CDK14: variants seen among roughly 807,000 people sequenced by gnomAD.
The protein encoded by CDK14 is cyclin dependent kinase 14.
A neutral mutation model predicts 60.7 loss-of-function variants in CDK14; 34 were observed. The observed-to-expected ratio is 0.56, with a 90% CI of 0.43 to 0.75. The LOEUF is 0.75. CDK14 is among the 30% of genes least tolerant of loss of function. The pLI is 0.00. For synonymous variants in CDK14, 197 were observed against 203.7 expected (o/e 0.97, Z 0.28); for missense variants, 482 against 564.1 (o/e 0.85, Z 1.47).
intron 2 of CDK14, among the ~76,000 whole-genome samples, chr7:90,657,750 C>T (rs1207763606): frequency 6.6e-6 from 1 of 152,172 alleles, no homozygotes; most frequent in East Asian, 1.9e-4. Context: ...ACCTGGCCAA[C>T]TTAACAACGA....
chr7:91,140,201 T>C lies in CDK14; in HGVS notation c.*28+21993T>C, dbSNP rs756142347. Reference sequence around the variant, plus strand: ...GGATCATGGAGAGAGACAATCTCTTTAATAGAAATAAATAGCAAGAGAACA... The same window carrying C: ...GGATCATGGAGAGAGACAATCTCTTCAATAGAAATAAATAGCAAGAGAACA... On this transcript the variant is annotated intron_variant, in intron 14 of 14. Transcript: ENST00000380050. Among the ~76,000 whole-genome samples the C allele has an allele frequency of 3.5e-4, 54 of 152,172 alleles. 2 individuals carry two copies. Among genetic ancestry groups the C allele is most frequent in the Non-Finnish European group, 4.7e-4 (32 of 68,028 alleles).
At chr7:90,750,697 A>G (rs1803804457) in intron 4 of CDK14, among the ~76,000 whole-genome samples, 1 of 152,080 alleles carries the variant, frequency 6.6e-6, no homozygotes, top group South Asian at 2.1e-4. Context: ...ATATGATGAA[A>G]CCCCATCTCT....
intron 10 of CDK14, among the ~76,000 whole-genome samples, chr7:90,986,658 G>C (rs3808274): frequency 6.6e-6 from 1 of 151,684 alleles, no homozygotes; most frequent in Non-Finnish European, 1.5e-5. Flanking sequence ...CATATATTTT[G>C]TATTGACAAA....
At chr7:90,611,210 T>G (rs1799532159) in intron 2 of CDK14, among the ~76,000 whole-genome samples, 2 of 152,210 alleles carry the variant, frequency 1.3e-5, no homozygotes, top group Admixed American at 6.5e-5. Context: ...CATGCTTAAG[T>G]CTTCCCCATC....
rs1223566550 is a variant in CDK14, at chr7:91,208,895, C to T, written c.*1759C>T. On this transcript the variant is annotated 3_prime_UTR_variant, in exon 15 of 15. Transcript: ENST00000380050. Reference sequence around the variant, plus strand: ...GGTTTTAAAGAGAGCAGAAAACACCCAAGTGTAGAATGTCTACTGTTTGCT... The same window carrying T: ...GGTTTTAAAGAGAGCAGAAAACACCTAAGTGTAGAATGTCTACTGTTTGCT... 1.3e-5 allele frequency: 2 copies of T among 152,624 alleles called. No individual in the cohort carries two copies. The highest frequency in any genetic ancestry group is 2.9e-5 in the Non-Finnish European group (2 of 68,036). The allele number at this position is 152,624 out of a possible 1,614,324, so 9.5% of individuals were successfully genotyped here.
At chr7:90,896,500 T>C (rs1267400411) in intron 6 of CDK14, among the ~76,000 whole-genome samples, 1 of 152,158 alleles carries the variant, frequency 6.6e-6, no homozygotes, top group Non-Finnish European at 1.5e-5. Flanking sequence ...TTTATGCTTA[T>C]TGAAAGAGCT....
chr7:90,725,151 A>G (rs904925824), intron 2 of CDK14, among the ~76,000 whole-genome samples: 34 of 152,202 alleles, frequency 2.2e-4, no homozygotes, highest in Non-Finnish European at 1.2e-4. Context: ...TTTTAATTAT[A>G]CATGCTTTTC....
At chr7:90,873,669 T>G (rs767373391) in intron 6 of CDK14, among the ~76,000 whole-genome samples, 1 of 152,208 alleles carries the variant, frequency 6.6e-6, no homozygotes, top group Non-Finnish European at 1.5e-5. Flanking sequence ...AGGTTTCTTA[T>G]GAAAAAACAG....
intron 6 of CDK14, among the ~76,000 whole-genome samples, chr7:90,875,631 T>C (rs1482988182): frequency 6.6e-6 from 1 of 152,190 alleles, no homozygotes; most frequent in East Asian, 1.9e-4. Flanking sequence ...TTTACTTGTA[T>C]TCAAGAACTT....
rs73400940 is a variant in CDK14 at position 91,089,644 on chromosome 7, T to C, written c.1154+10164T>C. Among the ~76,000 whole-genome samples, 1,232 of 151,988 alleles carry C rather than the reference T, an allele frequency of 8.1e-3. 18 individuals are homozygous for C. Among genetic ancestry groups the C allele is most frequent in the African/African-American group, 0.027 (1,137 of 41,464 alleles). ...ACGCAGCTATATATATATTTTCCGA[T>C]AGCAAAACAAGTAAAATGTCTCTGT... On this transcript the variant is annotated intron_variant, in intron 12 of 14. Transcript: ENST00000380050.
At chr7:90,597,112 A>C (rs908517072) in intron 1 of CDK14, 1 of 188,916 alleles carries the variant, frequency 5.3e-6, no homozygotes, top group African/African-American at 2.4e-5. Flanking sequence ...TTAGTCAGTA[A>C]TTTAGCTTTG....
chr7:90,725,498 C>T (rs10241946), intron 2 of CDK14, among the ~76,000 whole-genome samples: 139,101 of 152,248 alleles, frequency 0.91, 63,663 homozygotes, highest in East Asian at 1. Context: ...CAACCACGGA[C>T]CCAAAGTGTG....
intron 8 of CDK14, among the ~76,000 whole-genome samples, chr7:90,949,358 A>C (rs1794189260): frequency 6.6e-6 from 1 of 151,676 alleles, no homozygotes; most frequent in Non-Finnish European, 1.5e-5. Flanking sequence ...CCGCCACCAC[A>C]CTTGGCCAAT....
At chr7:91,093,656 A>G (rs1019595909) in intron 12 of CDK14, among the ~76,000 whole-genome samples, 3 of 152,208 alleles carry the variant, frequency 2.0e-5, no homozygotes, top group African/African-American at 7.2e-5. Context: ...CATTTGACTC[A>G]GCAATTCCAT....
At chr7:91,105,962 A>T (rs1799284339) in intron 12 of CDK14, among the ~76,000 whole-genome samples, 1 of 152,230 alleles carries the variant, frequency 6.6e-6, no homozygotes, top group Non-Finnish European at 1.5e-5. Context: ...ATGGCTCTGA[A>T]GTAATTGCCC....
chr7:91,100,173 C>T (rs1337051736), intron 12 of CDK14, among the ~76,000 whole-genome samples: 1 of 152,064 alleles, frequency 6.6e-6, no homozygotes, highest in Non-Finnish European at 1.5e-5. Context: ...ATGAAAAATA[C>T]TATTAATGTT....
chr7:90,866,233 TACACACACACACACACAC>T (rs3038210), intron 6 of CDK14, among the ~76,000 whole-genome samples: 3 of 140,290 alleles, frequency 2.1e-5, no homozygotes, highest in African/African-American at 7.9e-5. Flanking sequence ...CACATACACA[TACACACACACACACACAC>T]ACACACACAC....
At chr7:90,957,717 G>C (rs186641201) in intron 9 of CDK14, among the ~76,000 whole-genome samples, 1 of 152,044 alleles carries the variant, frequency 6.6e-6, no homozygotes, top group Non-Finnish European at 1.5e-5. Context: ...ACAAACAAAC[G>C]GAAGAACATT....
chr7:91,118,225 T>C lies in CDK14; in HGVS notation c.*28+17T>C, dbSNP rs771148076. 1 of 1,150,720 alleles carries C rather than the reference T, an allele frequency of 8.7e-7. No homozygotes were observed. The highest frequency in any genetic ancestry group is 1.3e-6 in the Non-Finnish European group (1 of 773,266). 71.3% of individuals were successfully genotyped at this position (1,150,720 alleles called of 1,614,324 possible). A position where few individuals can be genotyped will look rare whatever the true frequency, so the allele number is the denominator to read the frequency against. On this transcript the variant is annotated intron_variant, in intron 14 of 14. Transcript: ENST00000380050. ...AGCACACAGGTAAGAGGACCTGCTT[T>C]ACCTGGAAAGTAATATTTAATGGAT...
Sources: allele counts gnomAD v4.1 joint callset (sites outside exome capture counted in the v4.1 genomes callset), GRCh38; gene constraint gnomAD v4.1.1; transcripts MANE v1.5; gene names NCBI Gene and HGNC (gene_info 2026-07-23, HGNC 2026-07-21).